The following JAKMIP3 variants were observed in gnomAD, a reference collection of about 807,000 sequenced individuals.
The protein encoded by JAKMIP3 is janus kinase and microtubule-interacting protein 3.
JAKMIP3 carries 58 observed loss-of-function variants against 118.5 expected under a neutral mutation model. The ratio of observed to expected loss-of-function variants is 0.49; its 90% CI spans 0.40 to 0.61. JAKMIP3 has a LOEUF of 0.61. Ranked by LOEUF, JAKMIP3 falls within the 20% of genes least tolerant of loss-of-function variation. The probability of loss-of-function intolerance (pLI) is 0.00; values close to 1 mark genes in which losing one functional copy is unlikely to be tolerated. For missense variants in JAKMIP3, 950 were observed against 1,109.0 expected (o/e 0.86, Z 2.04); for synonymous variants, 486 against 451.2 (o/e 1.08, Z -0.98).
At chr10:132,115,582 G>A (rs1298792732) in intron 2 of JAKMIP3, among the ~76,000 whole-genome samples, 4 of 152,256 alleles carry the variant, frequency 2.6e-5, no homozygotes, top group Admixed American at 2.6e-4. Flanking sequence ...AGGACTGGCA[G>A]AGGAGGTTGG....
intron 23 of JAKMIP3, chr10:132,169,955 T>G (rs1447343750): frequency 6.6e-6 from 1 of 152,422 alleles, no homozygotes; most frequent in East Asian, 1.9e-4. Context: ...CGAGGCGGCG[T>G]CCTCGCGGGG....
intron 21 of JAKMIP3, 135 bp from the exon 22 acceptor site, chr10:132,166,848 T>C: frequency 1.4e-6 from 1 of 690,604 alleles, no homozygotes. Flanking sequence ...GGCACAGTCC[T>C]TAATAGCGTC....
intron 1 of JAKMIP3, among the ~76,000 whole-genome samples, chr10:132,040,477 C>T (rs2037703499): frequency 6.6e-6 from 1 of 152,196 alleles, no homozygotes; most frequent in Non-Finnish European, 1.5e-5. Context: ...CCCAGCCACA[C>T]ACAGAGTTTG....
chr10:132,136,522 G>T (rs376849490), intron 6 of JAKMIP3, among the ~76,000 whole-genome samples: 1 of 152,224 alleles, frequency 6.6e-6, no homozygotes, highest in Non-Finnish European at 1.5e-5. Context: ...GCCGTCAGCC[G>T]GTGTCACCAC....
At chr10:132,069,097 C>T (rs544080069) in intron 1 of JAKMIP3, among the ~76,000 whole-genome samples, 4 of 152,246 alleles carry the variant, frequency 2.6e-5, no homozygotes, top group East Asian at 3.9e-4. Context: ...CCTACCCAGG[C>T]GCCATTCTTC....
Position 132,104,700 on chromosome 10 carries a change from GC to G in JAKMIP3, c.-106del. ...AATGAGAAGATGTAGTGTGACAGCA[GC>G]CCGGGTGACACCTGCTGGGAGCTTG... is the stretch of plus-strand genomic sequence containing the variant. On this transcript the variant is annotated 5_prime_UTR_variant, in exon 2 of 24. The change creates a premature stop within an existing upstream ORF in the 5' untranslated region. Coordinates refer to ENST00000684848, the MANE Select transcript of JAKMIP3 (RefSeq NM_001323087.2). The G allele has an allele frequency of 8.8e-7, 1 of 1,132,414 alleles. No homozygotes were observed. Among genetic ancestry groups the G allele is most frequent in the Non-Finnish European group, 1.3e-6 (1 of 789,518 alleles). 70.1% of individuals were successfully genotyped at this position (1,132,414 alleles called of 1,614,324 possible). A position where few individuals can be genotyped will look rare whatever the true frequency, so the allele number is the denominator to read the frequency against.
At chr10:132,102,093 C>T (rs994422236) in intron 1 of JAKMIP3, among the ~76,000 whole-genome samples, 1 of 152,148 alleles carries the variant, frequency 6.6e-6, no homozygotes, top group Non-Finnish European at 1.5e-5. Flanking sequence ...CCTGCAGAAC[C>T]TCCTGTCCCA....
intron 1 of JAKMIP3, among the ~76,000 whole-genome samples, chr10:132,070,807 C>G (rs2039716861): frequency 6.6e-6 from 1 of 152,236 alleles, no homozygotes; most frequent in African/African-American, 2.4e-5. Context: ...CTGGAGCAAA[C>G]TCAGGAAGAG....
Position 132,117,664 on chromosome 10 carries a change from C to A in JAKMIP3, c.633+90C>A, listed in dbSNP as rs1055929408. 1 of 1,248,716 alleles carries A rather than the reference C, an allele frequency of 8.0e-7. No individual in the cohort carries two copies. Among genetic ancestry groups the A allele is most frequent in the African/African-American group, 1.6e-5 (1 of 62,262 alleles). 77.4% of individuals were successfully genotyped at this position (1,248,716 alleles called of 1,614,324 possible). A position where few individuals can be genotyped will look rare whatever the true frequency, so the allele number is the denominator to read the frequency against. On this transcript the variant is annotated intron_variant, in intron 3 of 23. Coordinates refer to ENST00000684848, the MANE Select transcript of JAKMIP3 (RefSeq NM_001323087.2). This position sits in a 1 kb window ranked among gnomAD's most constrained non-coding sequence, Gnocchi z 8.6. The stretch of plus-strand genomic sequence containing the variant: ...GGGCGGGCGTGGGCGAGGGTGCAGG[C>A]GTGGGCTCGGGGAGCACGCGGGCAG...
chr10:132,039,727 A>G (rs541532046), intron 1 of JAKMIP3, among the ~76,000 whole-genome samples: 2 of 152,360 alleles, frequency 1.3e-5, no homozygotes, highest in South Asian at 4.1e-4. Flanking sequence ...GGCATCCAGC[A>G]AAGGTCTTGA....
In JAKMIP3 at chr10:132,168,237, AT is replaced by A; in HGVS notation, c.*310del. ...TCTCCCGGACGGCAGCCCCCATCCC[AT>A]TTCCAGGGATGTGTAGCATTCCCTG... is the stretch of plus-strand genomic sequence containing the variant. On this transcript the variant is annotated 3_prime_UTR_variant, in exon 23 of 24. Coordinates refer to ENST00000684848, the MANE Select transcript of JAKMIP3 (RefSeq NM_001323087.2). The A allele has an allele frequency of 7.8e-7, 1 of 1,289,046 alleles. No homozygotes were observed. The allele number at this position is 1,289,046 out of a possible 1,614,324, so 79.9% of individuals were successfully genotyped here.
chr10:132,104,676 A>C lies in JAKMIP3; in HGVS notation c.-133A>C. 2.3e-6 allele frequency: 2 copies of C among 868,806 alleles called. No homozygotes were observed. The highest frequency in any genetic ancestry group is 3.6e-6 in the Non-Finnish European group (2 of 563,154). 53.8% of individuals were successfully genotyped at this position (868,806 alleles called of 1,614,324 possible). A position where few individuals can be genotyped will look rare whatever the true frequency, so the allele number is the denominator to read the frequency against. On this transcript the variant is annotated 5_prime_UTR_variant, in exon 2 of 24. An upstream start codon of the reference 5' UTR is lost. Transcript: ENST00000684848. ...GCGGTGTGCTTTCCCCTCCAGGTGA[A>C]TGAGAAGATGTAGTGTGACAGCAGC...
chr10:132,089,877 T>C (rs1178233854), intron 1 of JAKMIP3, among the ~76,000 whole-genome samples: 1 of 152,220 alleles, frequency 6.6e-6, no homozygotes, highest in African/African-American at 2.4e-5. Context: ...TTTTGAGATA[T>C]GTCCCATCAA....
At chr10:132,109,267 C>T (rs2046467986) in intron 2 of JAKMIP3, among the ~76,000 whole-genome samples, 2 of 151,976 alleles carry the variant, frequency 1.3e-5, no homozygotes, top group Non-Finnish European at 2.9e-5. Flanking sequence ...TGTGCCACTG[C>T]ACTCCAGCCT....
chr10:132,151,454 C>G (rs1410490169), intron 16 of JAKMIP3, among the ~76,000 whole-genome samples: 2 of 152,134 alleles, frequency 1.3e-5, no homozygotes, highest in Non-Finnish European at 2.9e-5. Context: ...CAGGGAGGCT[C>G]TGGGTGTGGG....
rs751040452 is a variant in JAKMIP3 at position 132,104,767 on chromosome 10, G to T, written c.-42G>T. ...CCACCCCCAGCCCAGCCCAGCCGGA[G>T]CACCCTACCCCTGGGCATCCCCCTG... On this transcript the variant is annotated 5_prime_UTR_variant, in exon 2 of 24. Transcript: ENST00000684848. 4.5e-6 allele frequency: 7 copies of T among 1,539,182 alleles called. No individual in the cohort carries two copies. The South Asian group carries it at 6.0e-5, about 13-fold the overall frequency.
chr10:132,149,343 C>A (rs942633977), intron 14 of JAKMIP3, 69 bp from the exon 15 acceptor site: 2 of 1,074,814 alleles, frequency 1.9e-6, no homozygotes, highest in African/African-American at 1.6e-5. Flanking sequence ...TTCCTCAGGC[C>A]CCAGCACAGT....
At position 132,182,862 on chromosome 10, in the gene JAKMIP3, A is replaced by C. The variant is rs915794700; in HGVS notation, c.*1609A>C. 1 of 152,198 alleles carries C rather than the reference A, an allele frequency of 6.6e-6. No individual in the cohort carries two copies. Among genetic ancestry groups the C allele is most frequent in the Non-Finnish European group, 1.5e-5 (1 of 68,032 alleles). 9.4% of individuals were successfully genotyped at this position (152,198 alleles called of 1,614,324 possible). On this transcript the variant is annotated 3_prime_UTR_variant, in exon 24 of 24. Coordinates refer to ENST00000684848, the MANE Select transcript of JAKMIP3 (RefSeq NM_001323087.2). ...TTGAAATCAGGGAAAAGCTAATAGTATCAGACAGATATGCTTTTTCTTTGG... is the reference window on the plus strand; with the variant it reads ...TTGAAATCAGGGAAAAGCTAATAGTCTCAGACAGATATGCTTTTTCTTTGG...
At chr10:132,175,022 AC>A (rs1186710077) in intron 23 of JAKMIP3, among the ~76,000 whole-genome samples, 1 of 152,178 alleles carries the variant, frequency 6.6e-6, no homozygotes, top group Non-Finnish European at 1.5e-5. Flanking sequence ...ATTATCAGAT[AC>A]ACCGCTGAAA....
Sources: gnomAD v4.1 joint callset for allele counts (sites outside exome capture counted in the v4.1 genomes callset) on GRCh38, gnomAD v4.1.1 for gene constraint, Gnocchi (gnomAD v3.1) non-coding constraint, MANE v1.5 for transcripts, NCBI Gene and HGNC (gene_info 2026-07-23, HGNC 2026-07-21) for gene names.